The following JAZF1 variants were observed in gnomAD, a reference collection of about 807,000 sequenced individuals.
The protein encoded by JAZF1 is JAZF zinc finger 1.
Under a neutral mutation model 26.4 loss-of-function variants are expected in JAZF1, and 8 were observed. The ratio of observed to expected loss-of-function variants is 0.30; its 90% CI spans 0.18 to 0.55. The LOEUF (loss-of-function observed/expected upper bound fraction) is 0.55. Ranked by LOEUF, JAZF1 falls within the 20% of genes least tolerant of loss-of-function variation. The pLI is 0.94. For missense variants in JAZF1, 199 were observed against 322.0 expected, an observed-to-expected ratio of 0.62 and a Z score of 2.92; for synonymous variants, 126 against 122.3, an observed-to-expected ratio of 1.03 and a Z score of -0.20.
At chr7:28,103,476 C>T (rs1784505290) in intron 1 of JAZF1, among the ~76,000 whole-genome samples, 1 of 151,952 alleles carries the variant, frequency 6.6e-6, no homozygotes, top group South Asian at 2.1e-4. Context: ...TTTTTAATTG[C>T]CCACTGAAGA....
chr7:28,050,189 C>T (rs74799681), intron 1 of JAZF1, among the ~76,000 whole-genome samples: 2,882 of 152,210 alleles, frequency 0.019, 90 homozygotes, highest in African/African-American at 0.064. Context: ...ATATTTAGCA[C>T]CCCTATTGCT....
chr7:27,976,053 G>A (rs1785463489), intron 2 of JAZF1, among the ~76,000 whole-genome samples: 1 of 152,074 alleles, frequency 6.6e-6, no homozygotes, highest in South Asian at 2.1e-4. Flanking sequence ...AAGAATATAT[G>A]GTCTTTCTGG....
intron 1 of JAZF1, among the ~76,000 whole-genome samples, chr7:28,008,763 T>C (rs1361140572): frequency 6.6e-6 from 1 of 152,222 alleles, no homozygotes. Flanking sequence ...ATCAGAAAAG[T>C]TCTTCAAAAG....
chr7:28,038,251 A>T lies in JAZF1; in HGVS notation c.116-46270T>A, dbSNP rs193142735. ...GAGTAATTCAGGTGAAAGAAAACAT[A>T]CAGCCTATAAACTTTGGGATGGGGG... On this transcript the variant is annotated intron_variant, in intron 1 of 4. Transcript: ENST00000283928. 2.3e-3 allele frequency among the ~76,000 whole-genome samples: 345 copies of T among 152,326 alleles called. 10 individuals are homozygous for T. The East Asian group carries it at 0.052, about 23-fold the overall frequency.
At position 27,905,430 on chromosome 7, in the gene JAZF1, T is replaced by C. The variant is rs1784237254; in HGVS notation, c.189-10014A>G. Among the ~76,000 whole-genome samples, 6 of 72,882 alleles carry C rather than the reference T, an allele frequency of 8.2e-5. No homozygotes were observed. The South Asian group carries it at 4.9e-3, about 60-fold the overall frequency. The allele number at this position is 72,882 out of a possible 152,430, so 47.8% of individuals were successfully genotyped here. A position where few individuals can be genotyped will look rare whatever the true frequency, so the allele number is the denominator to read the frequency against. Reference sequence around the variant, plus strand: ...TTTTGCTTCTAGATGTTCATTTCTTTCTTTCTTTTTTTTTTTTGTGGGGGA... The same window carrying C: ...TTTTGCTTCTAGATGTTCATTTCTTCCTTTCTTTTTTTTTTTTGTGGGGGA... On this transcript the variant is annotated intron_variant, in intron 2 of 4. Coordinates refer to ENST00000283928, the MANE Select transcript of JAZF1 (RefSeq NM_175061.4).
chr7:28,064,968 A>G (rs1329088131), intron 1 of JAZF1, among the ~76,000 whole-genome samples: 6 of 152,222 alleles, frequency 3.9e-5, no homozygotes, highest in Non-Finnish European at 7.3e-5. Flanking sequence ...TGTGAAGGGC[A>G]TTTGTAGATC....
chr7:27,997,898 A>G (rs1312506371), intron 1 of JAZF1, among the ~76,000 whole-genome samples: 1 of 152,058 alleles, frequency 6.6e-6, no homozygotes, highest in Non-Finnish European at 1.5e-5. Flanking sequence ...ATATGAACCA[A>G]GAACAGTCAA....
At chr7:27,901,511 G>T (rs1190473719) in intron 2 of JAZF1, among the ~76,000 whole-genome samples, 1 of 152,146 alleles carries the variant, frequency 6.6e-6, no homozygotes, top group East Asian at 1.9e-4. Flanking sequence ...TCACTCCATG[G>T]CCAAAACACC....
At chr7:28,030,051 A>T (rs575505824) in intron 1 of JAZF1, among the ~76,000 whole-genome samples, 2 of 152,304 alleles carry the variant, frequency 1.3e-5, no homozygotes, top group East Asian at 3.9e-4. Context: ...AGCTGATGAG[A>T]TTCAGAAAAT....
chr7:28,062,052 C>T (rs752413372), intron 1 of JAZF1, among the ~76,000 whole-genome samples: 5 of 152,240 alleles, frequency 3.3e-5, no homozygotes, highest in East Asian at 3.9e-4. Flanking sequence ...CAAGGTAGAG[C>T]GTGAACCCTG....
At chr7:27,950,116 A>C (rs1020593766) in intron 2 of JAZF1, among the ~76,000 whole-genome samples, 2 of 152,250 alleles carry the variant, frequency 1.3e-5, no homozygotes, top group East Asian at 3.8e-4. Context: ...AACATTTTCA[A>C]GGTTCAAGAC....
chr7:28,142,158 G>A (rs1478446127), intron 1 of JAZF1, among the ~76,000 whole-genome samples: 3 of 152,076 alleles, frequency 2.0e-5, no homozygotes, highest in Non-Finnish European at 2.9e-5. Context: ...TTGTAAACAG[G>A]ACATGAAAAC....
chr7:28,078,872 C>T (rs1482672101), intron 1 of JAZF1, among the ~76,000 whole-genome samples: 1 of 152,134 alleles, frequency 6.6e-6, no homozygotes, highest in Non-Finnish European at 1.5e-5. Context: ...AAAAAGCCAT[C>T]CATAGTTTTG....
chr7:28,170,262 T>A (rs187385206), intron 1 of JAZF1, among the ~76,000 whole-genome samples: 3 of 151,608 alleles, frequency 2.0e-5, no homozygotes, highest in Admixed American at 6.6e-5. Context: ...GTCTGAAAAA[T>A]AATAATAAAA....
At chr7:28,052,607 A>G (rs1397227653) in intron 1 of JAZF1, among the ~76,000 whole-genome samples, 2 of 152,108 alleles carry the variant, frequency 1.3e-5, no homozygotes, top group Non-Finnish European at 2.9e-5. Context: ...ACAAAGAAAC[A>G]AACAACACCT....
At chr7:27,998,935 C>G (rs1218690989) in intron 1 of JAZF1, among the ~76,000 whole-genome samples, 1 of 152,184 alleles carries the variant, frequency 6.6e-6, no homozygotes, top group African/African-American at 2.4e-5. Context: ...ATCTATCCAG[C>G]TTGTAGAATC....
chr7:27,885,561 C>A (rs776859952), intron 3 of JAZF1, among the ~76,000 whole-genome samples: 1 of 152,174 alleles, frequency 6.6e-6, no homozygotes, highest in African/African-American at 2.4e-5. Context: ...AGATATGAGG[C>A]CTTTATCAGA....
chr7:27,840,658 T>C lies in JAZF1; in HGVS notation c.555+40A>G, dbSNP rs773371192. ...GCTGCCTTCCATGAAGCTTGCCCTGTTTCCATGTGGTTATGCCAAGCATGC... is the reference window on the plus strand; with the variant it reads ...GCTGCCTTCCATGAAGCTTGCCCTGCTTCCATGTGGTTATGCCAAGCATGC... On this transcript the variant is annotated intron_variant, in intron 4 of 4. Transcript: ENST00000283928. The surrounding 1 kb of genome is among the most constrained non-coding windows in gnomAD (Gnocchi z 5.1). 1 of 1,604,036 alleles carries C rather than the reference T, an allele frequency of 6.2e-7. No homozygotes were observed. The highest frequency in any genetic ancestry group is 8.5e-7 in the Non-Finnish European group (1 of 1,173,152).
chr7:27,974,471 C>T (rs1785433974), intron 2 of JAZF1, among the ~76,000 whole-genome samples: 1 of 152,176 alleles, frequency 6.6e-6, no homozygotes, highest in Admixed American at 6.5e-5. Flanking sequence ...CAGTGCGAAA[C>T]ACTTCAAACT....
Sources: allele counts gnomAD v4.1 joint callset (sites outside exome capture counted in the v4.1 genomes callset), GRCh38; gene constraint gnomAD v4.1.1; non-coding constraint Gnocchi (gnomAD v3.1); transcripts MANE v1.5; gene names NCBI Gene and HGNC (gene_info 2026-07-23, HGNC 2026-07-21).